RARB: variants seen among roughly 807,000 people sequenced by gnomAD.
RARB encodes HBV-activated protein.
A neutral mutation model predicts 51.9 loss-of-function variants in RARB; 17 were observed. That is an observed-to-expected ratio of 0.33 (90% confidence interval 0.22 to 0.49). The LOEUF is 0.49. Ranked by LOEUF, RARB falls within the 20% of genes least tolerant of loss-of-function variation. The probability of loss-of-function intolerance (pLI) is 0.99; values close to 1 mark genes in which losing one functional copy is unlikely to be tolerated. For missense variants in RARB, 369 were observed against 550.8 expected (o/e 0.67, Z 3.30); for synonymous variants, 215 against 195.4 (o/e 1.10, Z -0.84).
At chr3:25,293,497 A>G (rs1159073517) in intron 5 of RARB, among the ~76,000 whole-genome samples, 2 of 151,496 alleles carry the variant, frequency 1.3e-5, no homozygotes, top group African/African-American at 2.4e-5. Context: ...AAGAATGCCT[A>G]TTACCCAACA....
chr3:24,952,154 C>A (rs1575088037), intron 2 of RARB, among the ~76,000 whole-genome samples: 1 of 152,052 alleles, frequency 6.6e-6, no homozygotes, highest in East Asian at 1.9e-4. Flanking sequence ...ATGGAAGGAT[C>A]CTTTGAGCCA....
chr3:25,174,256 A>G, exon 5 of RARB: 1 of 548,104 alleles, frequency 1.8e-6, no homozygotes, highest in Non-Finnish European at 2.9e-6. Context: ...AAGCAAGGTC[A>G]TCAGTTGAAC....
chr3:25,331,477 T>C (rs1418263412), intron 5 of RARB, among the ~76,000 whole-genome samples: 1 of 152,016 alleles, frequency 6.6e-6, no homozygotes, highest in Non-Finnish European at 1.5e-5. Flanking sequence ...TTGAAACCAG[T>C]GAGAACAAAG....
At chr3:25,445,880 A>G (rs1708908869) in intron 1 of RARB, among the ~76,000 whole-genome samples, 1 of 152,216 alleles carries the variant, frequency 6.6e-6, no homozygotes. Context: ...ATTAAGTGAC[A>G]TACCAGGTTT....
Position 24,955,832 on chromosome 3 carries a change from G to A in RARB, c.-380+97080G>A, listed in dbSNP as rs550626955. ...GAGCTGCACAGGAATAAAGGTGGTC[G>A]TCTTATGTAGATCAAGCCCCCTGGC... On this transcript the variant is annotated intron_variant, in intron 2 of 11. Coordinates refer to the RARB transcript ENST00000383772. Among the ~76,000 whole-genome samples, 12 of 152,192 alleles carry A rather than the reference G, an allele frequency of 7.9e-5. No homozygotes were observed. The South Asian group carries it at 1.0e-3, about 13-fold the overall frequency.
chr3:25,515,083 T>G (rs915769328), intron 3 of RARB, among the ~76,000 whole-genome samples: 4 of 152,164 alleles, frequency 2.6e-5, no homozygotes, highest in Non-Finnish European at 5.9e-5. Flanking sequence ...AGGAAACTCT[T>G]GGAGATGGCC....
At chr3:25,369,776 G>T (rs568913063) in intron 5 of RARB, among the ~76,000 whole-genome samples, 1 of 152,130 alleles carries the variant, frequency 6.6e-6, no homozygotes, top group Non-Finnish European at 1.5e-5. Context: ...TACAACATTA[G>T]CCTGGCATGG....
intron 3 of RARB, among the ~76,000 whole-genome samples, chr3:25,130,882 TTATTATTGATAATATCAA>T (rs1176601767): frequency 1.8e-4 from 19 of 107,192 alleles, no homozygotes; most frequent in East Asian, 8.4e-4. Context: ...TTATCAATAT[TTATTATTGATAATATCAA>T]TATTATTGAT....
chr3:25,105,534 C>T lies in RARB; in HGVS notation c.-327-26627C>T, dbSNP rs185603463. ...ATAATAGCCTTAGTTCTTTCCTTGG[C>T]CTTTATCTTGTGAATAATGGATTCA... On this transcript the variant is annotated intron_variant, in intron 3 of 11. Coordinates refer to the RARB transcript ENST00000383772. Among the ~76,000 whole-genome samples the T allele has an allele frequency of 4.0e-4, 61 of 151,858 alleles. 1 individual carries two copies. Among genetic ancestry groups the T allele is most frequent in the Admixed American group, 1.2e-3 (18 of 15,256 alleles).
At chr3:25,190,546 G>C (rs1370948468) in intron 5 of RARB, among the ~76,000 whole-genome samples, 3 of 152,072 alleles carry the variant, frequency 2.0e-5, no homozygotes, top group East Asian at 1.9e-4. Context: ...TTCATGGAAA[G>C]CTTCAGCTGA....
intron 3 of RARB, among the ~76,000 whole-genome samples, chr3:25,103,363 A>G (rs557474845): frequency 1.2e-4 from 18 of 152,272 alleles, no homozygotes; most frequent in African/African-American, 3.8e-4. Flanking sequence ...TCACAATTCC[A>G]TTATTGAACC....
intron 2 of RARB, among the ~76,000 whole-genome samples, chr3:24,959,592 G>T (rs1696095113): frequency 6.6e-6 from 1 of 152,206 alleles, no homozygotes; most frequent in Non-Finnish European, 1.5e-5. Context: ...TCTCACATGG[G>T]GCTGAGGTTC....
chr3:25,535,270 A>G (rs1699091562), intron 3 of RARB, among the ~76,000 whole-genome samples: 1 of 152,132 alleles, frequency 6.6e-6, no homozygotes, highest in East Asian at 1.9e-4. Flanking sequence ...GGTTGGGGTC[A>G]GTGGTCACTT....
intron 2 of RARB, among the ~76,000 whole-genome samples, chr3:24,969,569 A>G (rs1183586893): frequency 6.6e-6 from 1 of 152,078 alleles, no homozygotes; most frequent in Non-Finnish European, 1.5e-5. Context: ...TCTTTTATTT[A>G]TGTGCCATTT....
At chr3:25,518,493 G>T (rs1236055106) in intron 3 of RARB, among the ~76,000 whole-genome samples, 1 of 144,736 alleles carries the variant, frequency 6.9e-6, no homozygotes. Flanking sequence ...CATCCCTCCA[G>T]GTAGTTAGTT....
intron 2 of RARB, among the ~76,000 whole-genome samples, chr3:25,055,772 G>A (rs780330755): frequency 6.6e-6 from 1 of 151,988 alleles, no homozygotes; most frequent in African/African-American, 2.4e-5. Context: ...GCATACCCCG[G>A]AATCATCACA....
chr3:25,421,377 A>T (rs1334561325), intron 5 of RARB, among the ~76,000 whole-genome samples: 1 of 133,286 alleles, frequency 7.5e-6, no homozygotes, highest in Non-Finnish European at 1.6e-5. Flanking sequence ...CCTTGCAGAC[A>T]TTGCACTAAC....
At chr3:25,503,082 C>T (rs751035338) in intron 3 of RARB, among the ~76,000 whole-genome samples, 2 of 123,458 alleles carry the variant, frequency 1.6e-5, no homozygotes, top group Non-Finnish European at 3.2e-5. Flanking sequence ...CTGGACAATT[C>T]CATCTGCAGA....
At chr3:24,947,910 C>G (rs937863290) in intron 2 of RARB, among the ~76,000 whole-genome samples, 1 of 151,878 alleles carries the variant, frequency 6.6e-6, no homozygotes, top group Non-Finnish European at 1.5e-5. Flanking sequence ...AAGAATAAGG[C>G]AAGGCTTGTA....
Sources: allele counts gnomAD v4.1 joint callset (sites outside exome capture counted in the v4.1 genomes callset), GRCh38; gene constraint gnomAD v4.1.1; transcripts MANE v1.5; gene names NCBI Gene and HGNC (gene_info 2026-07-23, HGNC 2026-07-21).